SATB2: variants seen among roughly 807,000 people sequenced by gnomAD.
The protein encoded by SATB2 is SATB homeobox 2, also known as DNA-binding protein SATB2.
A neutral mutation model predicts 73.4 loss-of-function variants in SATB2; 1 was observed. The ratio of observed to expected loss-of-function variants is 0.01; its 90% CI spans 0.00 to 0.06. SATB2 has a LOEUF of 0.06. SATB2 is among the 10% of genes least tolerant of loss of function. The pLI is 1.00. For synonymous variants in SATB2, 397 were observed against 367.0 expected, an observed-to-expected ratio of 1.08 and a Z score of -0.93; for missense variants, 459 against 945.8, an observed-to-expected ratio of 0.49 and a Z score of 6.75.
chr2:199,270,954 G>A lies in SATB2; in HGVS notation c.*1257C>T, dbSNP rs1261803521. The stretch of plus-strand genomic sequence containing the variant: ...TTGATTAGGTAGATGGAATGTGTAC[G>A]AAGAAGAGGAAGCCCAAAGTGAAGC... On this transcript the variant is annotated 3_prime_UTR_variant, in exon 11 of 11. Coordinates refer to ENST00000417098, the MANE Select transcript of SATB2 (RefSeq NM_001172509.2). The A allele has an allele frequency of 2.0e-5, 3 of 152,336 alleles. No individual in the cohort carries two copies. Among genetic ancestry groups the A allele is most frequent in the East Asian group, 3.7e-4 (2 of 5,334 alleles). The allele number at this position is 152,336 out of a possible 1,614,324, so 9.4% of individuals were successfully genotyped here. A position where few individuals can be genotyped will look rare whatever the true frequency, so the allele number is the denominator to read the frequency against.
intron 1 of SATB2, among the ~76,000 whole-genome samples, chr2:199,456,975 T>TGGGGGGGGGGGG (rs71397724): frequency 2.3e-4 from 28 of 123,810 alleles, no homozygotes; most frequent in African/African-American, 5.9e-4. Context: ...ATTGGGGGGG[T>TGGGGGGGGGGGG]GGGGGGGGGC....
intron 10 of SATB2, among the ~76,000 whole-genome samples, chr2:199,307,101 G>GA (rs968409570): frequency 1.4e-4 from 21 of 147,436 alleles, no homozygotes; most frequent in South Asian, 2.2e-4. Flanking sequence ...ATCAAAATGA[G>GA]AAAAAAAAAA....
chr2:199,286,806 T>C (rs1373563029), intron 10 of SATB2, among the ~76,000 whole-genome samples: 1 of 152,136 alleles, frequency 6.6e-6, no homozygotes, highest in Non-Finnish European at 1.5e-5. Context: ...AAGAGTAAGA[T>C]GGAAATGAGC....
chr2:199,378,040 A>G (rs1397071507), intron 5 of SATB2, among the ~76,000 whole-genome samples: 1 of 152,206 alleles, frequency 6.6e-6, no homozygotes, highest in Non-Finnish European at 1.5e-5. Context: ...AATGATGCCC[A>G]GCTTATAGAA....
intron 2 of SATB2, among the ~76,000 whole-genome samples, chr2:199,435,318 AGG>A (rs1691619939): frequency 1.3e-5 from 2 of 152,148 alleles, no homozygotes; most frequent in Non-Finnish European, 2.9e-5. Flanking sequence ...AAATATATAT[AGG>A]ACATGTAGCG....
chr2:199,299,884 A>G (rs960242282), intron 10 of SATB2, among the ~76,000 whole-genome samples: 3 of 152,170 alleles, frequency 2.0e-5, no homozygotes, highest in Non-Finnish European at 2.9e-5. Context: ...TCACAGATGA[A>G]ATGTGACAAG....
intron 2 of SATB2, among the ~76,000 whole-genome samples, chr2:199,443,243 C>T (rs1203284748): frequency 5.3e-5 from 8 of 150,246 alleles, no homozygotes; most frequent in Admixed American, 5.3e-4. Flanking sequence ...CTAATTCAAA[C>T]AATTAAAAAA....
At chr2:199,341,059 T>C (rs1032174426) in intron 7 of SATB2, among the ~76,000 whole-genome samples, 13 of 152,192 alleles carry the variant, frequency 8.5e-5, no homozygotes, top group Admixed American at 3.3e-4. Context: ...CCCTCAGTAA[T>C]ATTAAGTCTT....
In SATB2 at chr2:199,455,793, A is replaced by C; in HGVS notation, c.169+76T>G. On this transcript the variant is annotated intron_variant, in intron 2 of 10. Coordinates refer to ENST00000417098, the MANE Select transcript of SATB2 (RefSeq NM_001172509.2). This position sits in a 1 kb window ranked among gnomAD's most constrained non-coding sequence, Gnocchi z 4.1. ...GTAATCCTACACCGCGACAGCGCCT[A>C]ATCAACCTGAACCCTGACACCCGGG... 3 of 1,480,998 alleles carry C rather than the reference A, an allele frequency of 2.0e-6. No individual in the cohort carries two copies. Among genetic ancestry groups the C allele is most frequent in the Non-Finnish European group, 2.7e-6 (3 of 1,098,632 alleles). 91.7% of individuals were successfully genotyped at this position (1,480,998 alleles called of 1,614,324 possible).
At chr2:199,458,729 A>G (rs114693875), upstream of SATB2, 67,142 of 427,040 alleles carry the variant, frequency 0.16, 5,926 homozygotes, top group Middle Eastern at 0.21. Flanking sequence ...TCGACTTTGG[A>G]GATAGGAGGG....
intron 6 of SATB2, among the ~76,000 whole-genome samples, chr2:199,356,225 CAAAAAAAA>C: frequency 9.9e-6 from 1 of 100,990 alleles, no homozygotes; most frequent in South Asian, 4.1e-4. Flanking sequence ...GAACATAAGC[CAAAAAAAA>C]AAAAAAAAAA....
chr2:199,462,139 GT>G (rs1256975241), upstream of SATB2, among the ~76,000 whole-genome samples: 2 of 152,324 alleles, frequency 1.3e-5, no homozygotes, highest in Middle Eastern at 3.4e-3. The surrounding 1 kb of genome is among the most constrained non-coding windows in gnomAD (Gnocchi z 5.9). Context: ...GTTGCGCCGC[GT>G]TTTCCCTCAA....
intron 6 of SATB2, among the ~76,000 whole-genome samples, chr2:199,350,318 T>G (rs1050961981): frequency 2.8e-4 from 43 of 152,068 alleles, no homozygotes; most frequent in Non-Finnish European, 1.3e-4. Context: ...TGCCATATAG[T>G]TAACCGTGAC....
At chr2:199,422,170 C>T (rs969791449) in intron 3 of SATB2, among the ~76,000 whole-genome samples, 1 of 152,250 alleles carries the variant, frequency 6.6e-6, no homozygotes, top group South Asian at 2.1e-4. Flanking sequence ...ATATTGCATA[C>T]ATCTGACCTC....
intron 6 of SATB2, among the ~76,000 whole-genome samples, chr2:199,366,337 T>C (rs943175608): frequency 6.6e-6 from 1 of 152,070 alleles, no homozygotes; most frequent in Non-Finnish European, 1.5e-5. Context: ...TACTTTCCCA[T>C]GAGAAATGAG....
At chr2:199,337,934 G>GA (rs749096370) in intron 7 of SATB2, among the ~76,000 whole-genome samples, 8 of 152,106 alleles carry the variant, frequency 5.3e-5, no homozygotes, top group Non-Finnish European at 1.0e-4. Flanking sequence ...GAGCAATGGT[G>GA]AAAAATATAT....
chr2:199,354,973 G>T (rs1490278347), intron 6 of SATB2, among the ~76,000 whole-genome samples: 2 of 152,056 alleles, frequency 1.3e-5, no homozygotes, highest in African/African-American at 4.8e-5. Flanking sequence ...ATTCATAGAT[G>T]AGAAACTTAT....
At chr2:199,285,039 G>A (rs998322776) in intron 10 of SATB2, among the ~76,000 whole-genome samples, 9 of 152,090 alleles carry the variant, frequency 5.9e-5, no homozygotes, top group African/African-American at 9.7e-5. Flanking sequence ...TCAATCCCCC[G>A]TGGATACAAG....
intron 3 of SATB2, among the ~76,000 whole-genome samples, chr2:199,403,023 C>A (rs553185056): frequency 6.6e-6 from 1 of 152,106 alleles, no homozygotes; most frequent in East Asian, 1.9e-4. Context: ...AGTGTTAACA[C>A]CTTAAATGTC....
Sources: gnomAD v4.1 joint callset for allele counts (sites outside exome capture counted in the v4.1 genomes callset) on GRCh38, gnomAD v4.1.1 for gene constraint, Gnocchi (gnomAD v3.1) non-coding constraint, MANE v1.5 for transcripts, NCBI Gene and HGNC (gene_info 2026-07-23, HGNC 2026-07-21) for gene names.